Variants in EBF1 observed in about 807,000 individuals in gnomAD.
EBF1 encodes the protein transcription factor COE1.
A neutral mutation model predicts 68.4 loss-of-function variants in EBF1; 10 were observed. The observed-to-expected ratio is 0.15, with a 90% CI of 0.09 to 0.25. The LOEUF (loss-of-function observed/expected upper bound fraction) is 0.25. EBF1 is among the 10% of genes least tolerant of loss of function. The pLI is 1.00. For synonymous variants in EBF1, 298 were observed against 299.8 expected (o/e 0.99, Z 0.06); for missense variants, 509 against 794.4 (o/e 0.64, Z 4.32).
intron 6 of EBF1, among the ~76,000 whole-genome samples, chr5:158,903,181 A>G (rs1803817015): frequency 6.6e-6 from 1 of 152,190 alleles, no homozygotes; most frequent in African/African-American, 2.4e-5. Context: ...TTGGATTGTG[A>G]TTATAATCCA....
chr5:158,989,109 G>C (rs921023011), intron 6 of EBF1, among the ~76,000 whole-genome samples: 3 of 152,134 alleles, frequency 2.0e-5, no homozygotes, highest in African/African-American at 7.2e-5. Flanking sequence ...CTTCCTGGCT[G>C]TCTGATACCC....
At chr5:159,090,263 A>C (rs867185885) in intron 4 of EBF1, among the ~76,000 whole-genome samples, 5 of 152,048 alleles carry the variant, frequency 3.3e-5, no homozygotes, top group African/African-American at 1.2e-4. Flanking sequence ...GAAAGAAAAA[A>C]AAAAAGGTGC....
intron 14 of EBF1, among the ~76,000 whole-genome samples, chr5:158,710,687 C>T (rs1445916563): frequency 6.6e-6 from 1 of 152,174 alleles, no homozygotes; most frequent in Non-Finnish European, 1.5e-5. Context: ...TCTGTAAGTA[C>T]ATTTTCAGAA....
At chr5:159,095,544 G>C (rs1199922282) in intron 4 of EBF1, 76 bp downstream of exon 4, 1 of 1,563,934 alleles carries the variant, frequency 6.4e-7, no homozygotes, top group Non-Finnish European at 8.8e-7. Flanking sequence ...CCCACCTGCG[G>C]TGGAGCAACT....
intron 4 of EBF1, among the ~76,000 whole-genome samples, chr5:159,092,889 T>G (rs1011091495): frequency 2.6e-5 from 4 of 152,176 alleles, no homozygotes; most frequent in Admixed American, 6.5e-5. Context: ...GAGGAAGAAT[T>G]TCACAGGAAA....
At chr5:158,850,634 A>T (rs150839220) in intron 6 of EBF1, among the ~76,000 whole-genome samples, 2 of 152,348 alleles carry the variant, frequency 1.3e-5, no homozygotes, top group East Asian at 3.9e-4. Context: ...ACTATGTGAT[A>T]AGTGAAATGA....
chr5:158,900,795 A>G (rs1803149986), intron 6 of EBF1, among the ~76,000 whole-genome samples: 1 of 152,210 alleles, frequency 6.6e-6, no homozygotes, highest in African/African-American at 2.4e-5. Flanking sequence ...AAATAAGTCT[A>G]CCCATTCTAC....
intron 8 of EBF1, among the ~76,000 whole-genome samples, chr5:158,808,316 T>A (rs1459424949): frequency 1.3e-5 from 2 of 152,184 alleles, no homozygotes; most frequent in East Asian, 1.9e-4. Context: ...CTGTTTGTGA[T>A]TCATTTCTAC....
Position 159,095,672 on chromosome 5 carries a change from A to G in EBF1, c.359T>C (p.Ile120Thr). Residue 120 changes from isoleucine to threonine, a missense_variant, in exon 4 of 16, where the codon ATA becomes ACA. By Grantham distance (89) the Ile-to-Thr change is moderately conservative. This residue lies in a region of EBF1 where 230 missense variants were observed against 467.7 expected (regional missense o/e 0.49). Coordinates refer to ENST00000313708, the MANE Select transcript of EBF1 (RefSeq NM_024007.5). ...CACGTAGAAATCCTGCTCCGTCCTT[A>G]TCCCTAGGGTTGGAAATGGGGGAAG... The part of the protein sequence containing the change: ...YRLQLLYSNG[I>T]RTEQDFYVRL... 6.2e-7 allele frequency: 1 copy of G among 1,614,080 alleles called. No individual in the cohort carries two copies. Among genetic ancestry groups the G allele is most frequent in the Non-Finnish European group, 8.5e-7 (1 of 1,179,958 alleles).
intron 11 of EBF1, among the ~76,000 whole-genome samples, chr5:158,723,535 G>A: frequency 6.6e-6 from 1 of 151,984 alleles, no homozygotes; most frequent in Middle Eastern, 3.2e-3. Flanking sequence ...AGGAACTCTG[G>A]CAAAATATAT....
chr5:158,870,616 C>G (rs1796707380), intron 6 of EBF1, among the ~76,000 whole-genome samples: 1 of 152,028 alleles, frequency 6.6e-6, no homozygotes, highest in African/African-American at 2.4e-5. Flanking sequence ...GTCAAGGCTT[C>G]AGTGAGCCAT....
At chr5:158,860,510 C>T (rs534322577) in intron 6 of EBF1, among the ~76,000 whole-genome samples, 29 of 152,320 alleles carry the variant, frequency 1.9e-4, no homozygotes, top group African/African-American at 7.0e-4. Flanking sequence ...AAGCCACCAC[C>T]ATGTGGACAG....
chr5:159,078,715 G>A (rs892709417), intron 5 of EBF1, among the ~76,000 whole-genome samples: 6 of 152,196 alleles, frequency 3.9e-5, no homozygotes, highest in South Asian at 2.1e-4. Context: ...AGTCTCAGGC[G>A]TTGGTAGCCA....
chr5:158,801,499 G>A (rs546962419), intron 8 of EBF1, among the ~76,000 whole-genome samples: 19 of 152,024 alleles, frequency 1.2e-4, no homozygotes, highest in African/African-American at 4.3e-4. Flanking sequence ...GAGAAAACAC[G>A]GACAAGCGAT....
intron 6 of EBF1, among the ~76,000 whole-genome samples, chr5:158,916,723 A>G (rs1349763455): frequency 1.3e-5 from 2 of 152,142 alleles, no homozygotes; most frequent in Non-Finnish European, 2.9e-5. Context: ...TGTGTGCTTC[A>G]ATGCTGGCCA....
In EBF1 at chr5:158,734,048, C is replaced by T. The variant is rs149177172; in HGVS notation, c.1037-2891G>A. ...TATGATGCCATCCTCAAAAGCAATG[C>T]CATAGGAAAAAATATTTACTGATAT... On this transcript the variant is annotated intron_variant, in intron 10 of 15. Transcript: ENST00000313708. 5.7e-3 allele frequency among the ~76,000 whole-genome samples: 870 copies of T among 152,044 alleles called. 5 individuals are homozygous for T. The highest frequency in any genetic ancestry group is 0.02 in the African/African-American group (815 of 41,484).
intron 5 of EBF1, among the ~76,000 whole-genome samples, chr5:159,074,164 G>A (rs1778314334): frequency 2.0e-5 from 3 of 152,198 alleles, no homozygotes; most frequent in Non-Finnish European, 4.4e-5. Context: ...GTAAAGGTTA[G>A]CACAGCTCTG....
chr5:158,866,833 G>GTATATATATATATATATATATATATATA (rs70987938), intron 6 of EBF1, among the ~76,000 whole-genome samples: 1 of 92,862 alleles, frequency 1.1e-5, no homozygotes, highest in Non-Finnish European at 2.1e-5. Context: ...ATATGTATAT[G>GTATATATATATATATATATATATATATA]TATATATATA....
At chr5:158,965,575 C>G (rs928847832) in intron 6 of EBF1, among the ~76,000 whole-genome samples, 1 of 152,152 alleles carries the variant, frequency 6.6e-6, no homozygotes, top group Non-Finnish European at 1.5e-5. Context: ...TTATCCCAAC[C>G]TCTAAGCCTT....
Sources: allele counts gnomAD v4.1 joint callset (sites outside exome capture counted in the v4.1 genomes callset), GRCh38; gene constraint gnomAD v4.1.1; regional missense constraint gnomAD v4.1.1; transcripts MANE v1.5; gene names NCBI Gene and HGNC (gene_info 2026-07-23, HGNC 2026-07-21).